Variants in PIR observed in about 807,000 individuals in gnomAD.
The protein encoded by PIR is pirin, also known as pirin (iron-binding nuclear protein).
PIR carries 22 observed loss-of-function variants against 24.2 expected under a neutral mutation model. The observed-to-expected ratio is 0.91, with a 90% confidence interval of 0.65 to 1.30. The LOEUF is 1.30. Ranked by LOEUF, PIR falls within the 50% of genes most tolerant of loss-of-function variation. The pLI is 0.00. For synonymous variants in PIR, 80 were observed against 79.6 expected, an observed-to-expected ratio of 1.00 and a Z score of -0.03; for missense variants, 220 against 220.3, an observed-to-expected ratio of 1.00 and a Z score of 0.01.
At chrX:15,420,197 A>C (rs1925081051) in intron 6 of PIR, among the ~76,000 whole-genome samples, 1 of 111,933 alleles carries the variant, frequency 8.9e-6, no homozygotes, top group Non-Finnish European at 1.9e-5. Flanking sequence ...ACTTCATCTC[A>C]AAACAACAAC....
chrX:15,396,261 G>A (rs143438383), intron 8 of PIR, among the ~76,000 whole-genome samples: 1,425 of 111,313 alleles, frequency 0.013, 13 homozygotes, highest in Middle Eastern at 0.037. Context: ...CATTTTTCTA[G>A]TGCTCATCAG....
intron 5 of PIR, among the ~76,000 whole-genome samples, chrX:15,453,218 C>A (rs1165462107): frequency 1.8e-5 from 2 of 112,082 alleles, no homozygotes; most frequent in Non-Finnish European, 3.8e-5. Flanking sequence ...CAAATCACAG[C>A]AAATCCCTTT....
chrX:15,408,319 G>A (rs1474041396), intron 6 of PIR, among the ~76,000 whole-genome samples: 1 of 111,181 alleles, frequency 9.0e-6, no homozygotes, highest in Non-Finnish European at 1.9e-5. Context: ...TGGTTCCAGT[G>A]AACTCCTTCT....
At chrX:15,443,059 T>G (rs766495611) in intron 5 of PIR, among the ~76,000 whole-genome samples, 1 of 112,048 alleles carries the variant, frequency 8.9e-6, no homozygotes, top group South Asian at 3.7e-4. Flanking sequence ...GATGCTTGTC[T>G]TCAAAGCTTT....
At chrX:15,409,523 G>A (rs1328818331) in intron 6 of PIR, among the ~76,000 whole-genome samples, 1 of 111,295 alleles carries the variant, frequency 9.0e-6, no homozygotes, top group Non-Finnish European at 1.9e-5. Flanking sequence ...GTGCACCTTT[G>A]GCGGGGGGAG....
rs182065896 is a variant in PIR at position 15,480,989 on chromosome X, C to G, written c.97-1168G>C. 8.9e-5 allele frequency among the ~76,000 whole-genome samples: 10 copies of G among 112,435 alleles called. No individual in the cohort carries two copies. In the East Asian group the frequency reaches 2.8e-3, roughly 31 times the overall value. On this transcript the variant is annotated intron_variant, in intron 2 of 9. Coordinates refer to ENST00000380420, the MANE Select transcript of PIR (RefSeq NM_001018109.3). ...GCAAAGGCCAGAACTAAGGCAATGG[C>G]AGTAGTGATGGAGAGTGGTTGAGTG...
chrX:15,387,938 A>G (rs1234369923), intron 9 of PIR, among the ~76,000 whole-genome samples: 2 of 111,607 alleles, frequency 1.8e-5, no homozygotes, highest in Non-Finnish European at 3.8e-5. Flanking sequence ...TGATGCTGAT[A>G]CTGCTGGTCC....
chrX:15,481,126 G>A (rs903348272), intron 2 of PIR, among the ~76,000 whole-genome samples: 1 of 112,291 alleles, frequency 8.9e-6, no homozygotes, highest in African/African-American at 3.2e-5. Context: ...GAACATAATA[G>A]AAGAAGCTGC....
At chrX:15,474,975 TAG>T (rs945603535) in intron 3 of PIR, among the ~76,000 whole-genome samples, 4 of 111,535 alleles carry the variant, frequency 3.6e-5, no homozygotes, top group Non-Finnish European at 5.7e-5. Context: ...CCCTGAACAA[TAG>T]AGAGTCTTTA....
chrX:15,401,359 G>T (rs1310371502), intron 7 of PIR, among the ~76,000 whole-genome samples: 2 of 105,080 alleles, frequency 1.9e-5, no homozygotes, highest in Non-Finnish European at 3.8e-5. Flanking sequence ...GCCTAACCAA[G>T]GTAAACCTTT....
Position 15,491,218 on chromosome X carries a change from G to A in PIR, c.40C>T (p.Arg14Trp), listed in dbSNP as rs202231007. 226 of 1,204,895 alleles carry A rather than the reference G, an allele frequency of 1.9e-4. No individual in the cohort carries two copies. Among genetic ancestry groups the A allele is most frequent in the African/African-American group, 6.9e-4 (39 of 56,648 alleles). Residue 14 changes from arginine to tryptophan, a missense_variant, in exon 2 of 10, where the codon CGG (arginine) becomes TGG (tryptophan). Transcript: ENST00000380420. ...GCTCCAACCCCTTCCGACTGCTCCC[G>A]GCTGAGCACTGAGAGAGTAACTTTC... ...SKKVTLSVLS[R>W]EQSEGVGARV...
At chrX:15,473,175 G>T (rs1341746029) in intron 3 of PIR, among the ~76,000 whole-genome samples, 1 of 111,723 alleles carries the variant, frequency 9.0e-6, no homozygotes, top group Non-Finnish European at 1.9e-5. Flanking sequence ...CTCAGCCAGG[G>T]GTGATTTTGC....
intron 4 of PIR, among the ~76,000 whole-genome samples, chrX:15,457,798 G>A (rs1170626011): frequency 8.9e-6 from 1 of 112,266 alleles, no homozygotes; most frequent in African/African-American, 3.2e-5. Context: ...TCTAATGTAG[G>A]AGTTGGCAAA....
intron 1 of PIR, among the ~76,000 whole-genome samples, chrX:15,491,515 C>T (rs1295104676): frequency 9.0e-6 from 1 of 111,437 alleles, no homozygotes; most frequent in East Asian, 2.8e-4. Flanking sequence ...TGCCCAGTAC[C>T]CCACCAATTA....
chrX:15,423,560 G>A (rs1361999980), intron 6 of PIR, among the ~76,000 whole-genome samples: 1 of 110,473 alleles, frequency 9.1e-6, no homozygotes, highest in Non-Finnish European at 1.9e-5. Context: ...AGGTTGCAGT[G>A]AGCAGAGGTC....
At chrX:15,450,219 A>G (rs1461459463) in intron 5 of PIR, among the ~76,000 whole-genome samples, 1 of 111,127 alleles carries the variant, frequency 9.0e-6, no homozygotes, top group Non-Finnish European at 1.9e-5. Context: ...AATACAATAA[A>G]TTAAAAGAGA....
intron 6 of PIR, among the ~76,000 whole-genome samples, chrX:15,419,551 G>T (rs1017905938): frequency 2.7e-5 from 3 of 111,345 alleles, no homozygotes; most frequent in African/African-American, 9.8e-5. Flanking sequence ...GTTTACAGAC[G>T]CTCAATGCTA....
At chrX:15,477,901 A>C (rs1000884569) in intron 3 of PIR, among the ~76,000 whole-genome samples, 1 of 111,411 alleles carries the variant, frequency 9.0e-6, no homozygotes, top group African/African-American at 3.3e-5. Flanking sequence ...CTGACAAATA[A>C]TTACAGTTAC....
chrX:15,483,174 T>TATATATATATATAATATATATAG (rs955424390), intron 2 of PIR, among the ~76,000 whole-genome samples: 1 of 98,751 alleles, frequency 1.0e-5, no homozygotes, highest in Non-Finnish European at 2.0e-5. Flanking sequence ...CATATATATA[T>TATATATATATATAATATATATAG]AAATTCAACA....
Sources: gnomAD v4.1 joint callset for allele counts (sites outside exome capture counted in the v4.1 genomes callset) on GRCh38, gnomAD v4.1.1 for gene constraint, MANE v1.5 for transcripts, NCBI Gene and HGNC (gene_info 2026-07-23, HGNC 2026-07-21) for gene names.